Variants in ELOVL6 observed in about 807,000 individuals in gnomAD.
The protein encoded by ELOVL6 is very long chain fatty acid elongase 6.
Under a neutral mutation model 31.7 loss-of-function variants are expected in ELOVL6, and 8 were observed. The observed-to-expected ratio is 0.25, with a 90% CI of 0.15 to 0.45. The LOEUF (loss-of-function observed/expected upper bound fraction) is 0.45. ELOVL6 is among the 20% of genes least tolerant of loss of function. The pLI is 1.00. For missense variants in ELOVL6, 126 were observed against 326.4 expected (o/e 0.39, Z 4.73); for synonymous variants, 101 against 117.7 (o/e 0.86, Z 0.92).
intron 1 of ELOVL6, chr4:110,147,305 G>GAAAAAAAAAAA: frequency 6.7e-6 from 1 of 148,604 alleles, no homozygotes; most frequent in African/African-American, 2.5e-5. Flanking sequence ...AAGAAAAAAG[G>GAAAAAAAAAAA]AAGACCTGAA....
intron 2 of ELOVL6, among the ~76,000 whole-genome samples, chr4:110,084,245 TATATATAACATATAGCTTATATGTG>T (rs1756089637): frequency 1.5e-5 from 2 of 134,246 alleles, no homozygotes; most frequent in Non-Finnish European, 3.1e-5. Flanking sequence ...ACATATATGA[TATATATAACATATAGCTTATATGTG>T]ATATATAACA....
At chr4:110,141,315 G>T (rs528652088) in intron 1 of ELOVL6, among the ~76,000 whole-genome samples, 1 of 152,040 alleles carries the variant, frequency 6.6e-6, no homozygotes, top group Non-Finnish European at 1.5e-5. Context: ...CACCTGCCTT[G>T]GCCTCCTAAA....
At chr4:110,197,992 T>C (rs1400397599) in intron 1 of ELOVL6, 30 of 575,902 alleles carry the variant, frequency 5.2e-5, no homozygotes, top group Non-Finnish European at 6.8e-5. Context: ...CACACATATG[T>C]TCTGTGTTAT....
intron 1 of ELOVL6, among the ~76,000 whole-genome samples, chr4:110,175,795 A>G (rs1263971688): frequency 6.6e-6 from 1 of 152,176 alleles, no homozygotes; most frequent in African/African-American, 2.4e-5. Flanking sequence ...AGTCTAAGTC[A>G]TGCCTTCATA....
At chr4:110,093,446 G>GT (rs761223592) in intron 2 of ELOVL6, among the ~76,000 whole-genome samples, 3 of 152,176 alleles carry the variant, frequency 2.0e-5, no homozygotes, top group Non-Finnish European at 4.4e-5. Flanking sequence ...AGGTTATCAA[G>GT]TCAACCATAG....
intron 1 of ELOVL6, among the ~76,000 whole-genome samples, chr4:110,136,796 A>G (rs929234650): frequency 9.9e-5 from 15 of 152,190 alleles, no homozygotes; most frequent in African/African-American, 2.4e-5. Context: ...CTAATCAATA[A>G]CCATACTATG....
chr4:110,117,662 T>A (rs1704795915), intron 1 of ELOVL6: 1 of 150,740 alleles, frequency 6.6e-6, no homozygotes, highest in Non-Finnish European at 1.5e-5. Flanking sequence ...AATGGGTGGA[T>A]CACGAGGTCA....
At chr4:110,111,263 T>A (rs1233877483) in intron 1 of ELOVL6, among the ~76,000 whole-genome samples, 2 of 152,188 alleles carry the variant, frequency 1.3e-5, no homozygotes, top group East Asian at 1.9e-4. Context: ...GAGAAAATAC[T>A]CTCAAAATGT....
At chr4:110,186,246 T>A (rs919147092) in intron 1 of ELOVL6, among the ~76,000 whole-genome samples, 4 of 151,844 alleles carry the variant, frequency 2.6e-5, no homozygotes, top group African/African-American at 9.7e-5. Flanking sequence ...TAAAGTGACT[T>A]AACAAGTAGG....
intron 1 of ELOVL6, among the ~76,000 whole-genome samples, chr4:110,108,944 A>T (rs1475219073): frequency 6.6e-6 from 1 of 152,222 alleles, no homozygotes; most frequent in Non-Finnish European, 1.5e-5. Context: ...CTGAGTTGTC[A>T]TTTATGGTTG....
chr4:110,106,655 G>A (rs1756898845), intron 1 of ELOVL6, among the ~76,000 whole-genome samples: 1 of 152,144 alleles, frequency 6.6e-6, no homozygotes, highest in Non-Finnish European at 1.5e-5. Flanking sequence ...GTTTTGGCCA[G>A]CTTCTTAACT....
chr4:110,095,008 C>T (rs1053813911), intron 2 of ELOVL6, among the ~76,000 whole-genome samples: 1 of 152,098 alleles, frequency 6.6e-6, no homozygotes, highest in Non-Finnish European at 1.5e-5. Context: ...TCAGTTAAGG[C>T]AATATATAGT....
intron 2 of ELOVL6, among the ~76,000 whole-genome samples, chr4:110,060,981 A>G (rs1755120021): frequency 6.6e-6 from 1 of 152,240 alleles, no homozygotes; most frequent in Admixed American, 6.5e-5. Context: ...TTTCTACAGT[A>G]TCAAAATAAT....
intron 1 of ELOVL6, chr4:110,117,903 A>AAAAAAAAAAAAAAAAATATAT: frequency 3.1e-4 from 2 of 6,506 alleles, no homozygotes; most frequent in African/African-American, 6.5e-4. Flanking sequence ...AAAAAAAAAA[A>AAAAAAAAAAAAAAAAATATAT]ATATATATAT....
At chr4:110,150,384 A>G (rs1295909231) in intron 1 of ELOVL6, among the ~76,000 whole-genome samples, 1 of 152,222 alleles carries the variant, frequency 6.6e-6, no homozygotes, top group East Asian at 1.9e-4. Context: ...AGATTGATCT[A>G]GATGTGTTTG....
chr4:110,074,380 T>C (rs900863714), intron 2 of ELOVL6, among the ~76,000 whole-genome samples: 4 of 152,190 alleles, frequency 2.6e-5, no homozygotes, highest in East Asian at 1.9e-4. Flanking sequence ...GCAGAACCTA[T>C]AGATATGGAG....
At chr4:110,108,173 CTTTGAGA>C (rs1353241312) in intron 1 of ELOVL6, among the ~76,000 whole-genome samples, 1 of 152,148 alleles carries the variant, frequency 6.6e-6, no homozygotes, top group East Asian at 1.9e-4. Flanking sequence ...CTCTTTGCTT[CTTTGAGA>C]ACAGAAATTA....
chr4:110,157,812 A>G, intron 1 of ELOVL6, among the ~76,000 whole-genome samples: 1 of 152,228 alleles, frequency 6.6e-6, no homozygotes, highest in African/African-American at 2.4e-5. Context: ...AGGGAACTAC[A>G]CATGTTGAAA....
chr4:110,147,780 G>GACACACACAC (rs58644594), intron 1 of ELOVL6, among the ~76,000 whole-genome samples: 2,078 of 142,686 alleles, frequency 0.015, 25 homozygotes, highest in East Asian at 0.043. Flanking sequence ...GACAGAGCAG[G>GACACACACAC]ACACACACAC....
Sources: gnomAD v4.1 joint callset for allele counts (sites outside exome capture counted in the v4.1 genomes callset) on GRCh38, gnomAD v4.1.1 for gene constraint, MANE v1.5 for transcripts, NCBI Gene and HGNC (gene_info 2026-07-23, HGNC 2026-07-21) for gene names.